PANX2: variants seen among roughly 807,000 people sequenced by gnomAD.
The protein encoded by PANX2 is pannexin 2, also known as pannexin-2.
Under a neutral mutation model 38.7 loss-of-function variants are expected in PANX2, and 30 were observed. The ratio of observed to expected loss-of-function variants is 0.78; its 90% CI spans 0.58 to 1.05. The LOEUF (loss-of-function observed/expected upper bound fraction) is 1.05. PANX2 is among the 50% of genes least tolerant of loss of function. The pLI, the probability that PANX2 is intolerant of heterozygous loss-of-function variation, is 0.00. For synonymous variants in PANX2, 539 were observed against 472.1 expected (o/e 1.14, Z -1.84); for missense variants, 880 against 979.3 (o/e 0.90, Z 1.35).
chr22:50,173,360 A>G (rs1017111437), intron 1 of PANX2, among the ~76,000 whole-genome samples: 4 of 152,242 alleles, frequency 2.6e-5, no homozygotes, highest in African/African-American at 9.6e-5. Flanking sequence ...GCGGAAAGGA[A>G]GCGAGCGCTC....
In PANX2 at chr22:50,177,574, C is replaced by T; in HGVS notation, c.862C>T (p.Arg288Cys). 6.2e-7 allele frequency: 1 copy of T among 1,612,580 alleles called. No homozygotes were observed. Among genetic ancestry groups the T allele is most frequent in the Non-Finnish European group, 8.5e-7 (1 of 1,179,904 alleles). The part of the protein sequence containing the change: ...SCKLPSVQLQ[R>C]IIAGVDIVLL... ...CAAGCTCCCGTCCGTGCAACTGCAG[C>T]GCATCATCGCGGGCGTGGACATCGT... is the stretch of plus-strand genomic sequence containing the variant. The change falls in exon 2 of 3, where the codon CGC becomes TGC. Residue 288 changes from arginine (R) to cysteine (C), a missense_variant. Coordinates refer to ENST00000395842, the MANE Select transcript of PANX2 (RefSeq NM_052839.4).
rs774262555 is a variant in PANX2, at chr22:50,179,239, G to A, written c.1996G>A (p.Asp666Asn). 6.2e-6 allele frequency: 10 copies of A among 1,612,680 alleles called. No individual in the cohort carries two copies. In the South Asian group the frequency reaches 7.7e-5, roughly 12 times the overall value. Residue 666 changes from aspartate (D) to asparagine (N), a missense_variant, in exon 3 of 3, where the codon GAC becomes AAC. Physicochemically the swap from Asp to Asn is conservative, Grantham distance 23. Coordinates refer to ENST00000395842, the MANE Select transcript of PANX2 (RefSeq NM_052839.4). ...APQQILIATFDEPRTVVSTVE... is the reference protein window; with the variant it reads ...APQQILIATFNEPRTVVSTVE... Reference sequence around the variant, plus strand: ...ACAGCAGATCCTCATCGCCACCTTCGACGAGCCGAGAACGGTCGTGAGTAC... The same window carrying A: ...ACAGCAGATCCTCATCGCCACCTTCAACGAGCCGAGAACGGTCGTGAGTAC...
intron 1 of PANX2, among the ~76,000 whole-genome samples, chr22:50,173,576 G>A (rs1293179848): frequency 6.6e-6 from 1 of 152,238 alleles, no homozygotes; most frequent in Non-Finnish European, 1.5e-5. Flanking sequence ...GAAGGGTCTC[G>A]GCCCCCCTCA....
At chr22:50,172,724 C>A (rs1041194707) in intron 1 of PANX2, among the ~76,000 whole-genome samples, 11 of 151,006 alleles carry the variant, frequency 7.3e-5, no homozygotes, top group African/African-American at 2.4e-4. Context: ...ACCACCCCCC[C>A]GCTTTTTTTA....
At chr22:50,171,025 T>G in intron 1 of PANX2, 69 bp downstream of exon 1, 1 of 790,944 alleles carries the variant, frequency 1.3e-6, no homozygotes, top group Non-Finnish European at 1.8e-6. Flanking sequence ...GAGCTGGCGC[T>G]TCCCGCGTCC....
chr22:50,175,400 G>C, intron 1 of PANX2: 1 of 1,249,776 alleles, frequency 8.0e-7, no homozygotes, highest in African/African-American at 1.6e-5. Context: ...GCTCAGGACG[G>C]GACACAAACC....
rs2063677222 is a variant in PANX2 at position 50,178,330 on chromosome 22, C to T, written c.1618C>T (p.Arg540Trp). 1 of 1,505,572 alleles carries T rather than the reference C, an allele frequency of 6.6e-7. No homozygotes were observed. The allele number at this position is 1,505,572 out of a possible 1,614,324, so 93.3% of individuals were successfully genotyped here. The change falls in exon 2 of 3, where the codon CGG becomes TGG. Residue 540 changes from arginine to tryptophan, a missense_variant. Arg to Trp is a moderately radical substitution (Grantham distance 101). Coordinates refer to ENST00000395842, the MANE Select transcript of PANX2 (RefSeq NM_052839.4). ...EAVPAALPAS[R>W]SQEGGFLSQA... is the part of the protein sequence containing the mutation. ...GGTGCCCGCCGCCCTGCCCGCCTCC[C>T]GGAGCCAGGAGGGGGGCTTCCTGTC...
At chr22:50,175,153 C>T (rs755236084) in intron 1 of PANX2, among the ~76,000 whole-genome samples, 37 of 152,164 alleles carry the variant, frequency 2.4e-4, no homozygotes, top group Non-Finnish European at 3.4e-4. Context: ...ATGAGGAGTT[C>T]GGGTCCAAGT....
At position 50,178,020 on chromosome 22, in the gene PANX2, C is replaced by T; in HGVS notation, c.1308C>T (p.Ser436=). 1.3e-6 allele frequency: 2 copies of T among 1,546,814 alleles called. No individual in the cohort carries two copies. The highest frequency in any genetic ancestry group is 8.7e-7 in the Non-Finnish European group (1 of 1,151,996). The change falls in exon 2 of 3, where the codon AGC becomes AGT. Residue 436 remains serine (S), a synonymous_variant. Coordinates refer to ENST00000395842, the MANE Select transcript of PANX2 (RefSeq NM_052839.4). ...PRKKMKWIPT[S]NPLPQPFKEP... is the part of the protein sequence containing the mutation. ...AGAAGATGAAGTGGATCCCCACCAGCAACCCGCTTCCGCAGCCCTTCAAGG... is the reference window on the plus strand; with the variant it reads ...AGAAGATGAAGTGGATCCCCACCAGTAACCCGCTTCCGCAGCCCTTCAAGG...
chr22:50,173,025 T>C (rs1378378259), intron 1 of PANX2, among the ~76,000 whole-genome samples: 1 of 151,986 alleles, frequency 6.6e-6, no homozygotes, highest in East Asian at 1.9e-4. Context: ...GCCTCCCAAG[T>C]AGCTGGGACT....
chr22:50,179,366 C>T lies in PANX2; in HGVS notation c.*89C>T, dbSNP rs967186776. 4.9e-6 allele frequency: 6 copies of T among 1,221,974 alleles called. No individual in the cohort carries two copies. In the East Asian group the frequency reaches 1.5e-4, roughly 30 times the overall value. The allele number at this position is 1,221,974 out of a possible 1,614,324, so 75.7% of individuals were successfully genotyped here. On this transcript the variant is annotated 3_prime_UTR_variant, in exon 3 of 3. Coordinates refer to ENST00000395842, the MANE Select transcript of PANX2 (RefSeq NM_052839.4). ...CCGGTGGACACCAGCCCTGCGTGGACGTGGCCTGTGCTTCGCCCGCACTGC... is the reference window on the plus strand; with the variant it reads ...CCGGTGGACACCAGCCCTGCGTGGATGTGGCCTGTGCTTCGCCCGCACTGC...
chr22:50,178,245 C>T lies in PANX2; in HGVS notation c.1533C>T (p.Arg511=). ...CCGCCCCTGACAAGAAGCACGCGCG[C>T]CACTTCTCCCTGGACGTGCACCCCT... ...PPPAPDKKHA[R]HFSLDVHPYI... is the part of the protein sequence containing the mutation. The change falls in exon 2 of 3, where the codon CGC becomes CGT. Residue 511 remains arginine (R), a synonymous_variant. Transcript: ENST00000395842. 2 of 1,516,378 alleles carry T rather than the reference C, an allele frequency of 1.3e-6. No homozygotes were observed. Among genetic ancestry groups the T allele is most frequent in the Non-Finnish European group, 1.8e-6 (2 of 1,139,332 alleles). The allele number at this position is 1,516,378 out of a possible 1,614,324, so 93.9% of individuals were successfully genotyped here. A position where few individuals can be genotyped will look rare whatever the true frequency, so the allele number is the denominator to read the frequency against.
chr22:50,179,160 C>T lies in PANX2; in HGVS notation c.1917C>T (p.Asp639=), dbSNP rs201843823. 1.3e-3 allele frequency: 2,116 copies of T among 1,611,768 alleles called. 1 individual carries two copies. Among genetic ancestry groups the T allele is most frequent in the Non-Finnish European group, 1.5e-3 (1,774 of 1,179,658 alleles). ...NTLYEAREEE[D]GGPRLPQDVG... is the part of the protein sequence containing the mutation. ...TGTACGAGGCCCGGGAGGAGGAGGA[C>T]GGGGGCCCCCGCCTGCCGCAGGACG... The change falls in exon 3 of 3, where the codon GAC becomes GAT. Residue 639 remains aspartate, a synonymous_variant. Coordinates refer to ENST00000395842, the MANE Select transcript of PANX2 (RefSeq NM_052839.4).
At chr22:50,172,556 T>C (rs1386361042) in intron 1 of PANX2, among the ~76,000 whole-genome samples, 1 of 151,052 alleles carries the variant, frequency 6.6e-6, no homozygotes, top group Middle Eastern at 3.4e-3. Flanking sequence ...GAGCCCCCAG[T>C]AGCAGGGACC....
intron 1 of PANX2, among the ~76,000 whole-genome samples, chr22:50,171,782 G>A (rs2063633713): frequency 6.6e-6 from 1 of 152,166 alleles, no homozygotes; most frequent in Non-Finnish European, 1.5e-5. Flanking sequence ...CCAAGGCAAG[G>A]GGGATCAGGG....
chr22:50,175,223 T>C (rs1452210320), intron 1 of PANX2, among the ~76,000 whole-genome samples: 12 of 152,074 alleles, frequency 7.9e-5, no homozygotes, highest in Admixed American at 7.2e-4. Context: ...GGCCCCTGCT[T>C]TCATCCACCT....
intron 1 of PANX2, among the ~76,000 whole-genome samples, chr22:50,174,601 A>G (rs2063652405): frequency 6.6e-6 from 1 of 152,202 alleles, no homozygotes; most frequent in Non-Finnish European, 1.5e-5. Context: ...ATGTCTTCCA[A>G]GAAACGGGCC....
Position 50,177,148 on chromosome 22 carries a change from G to A in PANX2, c.436G>A (p.Ala146Thr). The A allele has an allele frequency of 6.2e-7, 1 of 1,606,878 alleles. No homozygotes were observed. The highest frequency in any genetic ancestry group is 8.5e-7 in the Non-Finnish European group (1 of 1,176,692). Residue 146 changes from alanine to threonine, a missense_variant, in exon 2 of 3, where the codon GCC becomes ACC. By Grantham distance (58) the Ala-to-Thr change is moderately conservative. This residue lies in a region of PANX2 where 243 missense variants were observed against 333.1 expected (regional missense o/e 0.73). Transcript: ENST00000395842. Reference protein sequence around the residue: ...YVPALGWEFLASTRLTSELNF... With the variant: ...YVPALGWEFLTSTRLTSELNF... ...GCCCGCGCTGGGCTGGGAGTTCCTG[G>A]CCTCCACGCGCCTCACCTCCGAGCT...
At chr22:50,172,245 C>T (rs146330066) in intron 1 of PANX2, among the ~76,000 whole-genome samples, 25 of 152,276 alleles carry the variant, frequency 1.6e-4, no homozygotes, top group African/African-American at 6.0e-4. Context: ...CTCATGGTTC[C>T]GGAGGCCAAA....
Sources: gnomAD v4.1 joint callset for allele counts (sites outside exome capture counted in the v4.1 genomes callset) on GRCh38, gnomAD v4.1.1 for gene constraint, gnomAD v4.1.1 regional missense constraint, MANE v1.5 for transcripts, NCBI Gene and HGNC (gene_info 2026-07-23, HGNC 2026-07-21) for gene names.